PPM1L: variants seen among roughly 807,000 people sequenced by gnomAD.
PPM1L encodes the protein protein phosphatase 1L.
Under a neutral mutation model 31.4 loss-of-function variants are expected in PPM1L, and 13 were observed. That is an observed-to-expected ratio of 0.41 (90% CI 0.27 to 0.66). The LOEUF (loss-of-function observed/expected upper bound fraction) is 0.66, where lower values mean the gene tolerates loss of function less well. Among genes scored for constraint, PPM1L ranks in the 30% least tolerant of loss-of-function variants. The pLI is 0.29. For synonymous variants in PPM1L, 184 were observed against 175.4 expected (o/e 1.05, Z -0.39); for missense variants, 326 against 453.7 (o/e 0.72, Z 2.56).
chr3:161,072,389 T>A lies in PPM1L; in HGVS notation c.*3232T>A, dbSNP rs6441352. On this transcript the variant is annotated 3_prime_UTR_variant, in exon 4 of 4. Transcript: ENST00000498165. Reference sequence around the variant, plus strand: ...GTATTGGCTTCTTGAATCTTGTATATGTCATAAGAATATTATACAGAGAGT... The same window carrying A: ...GTATTGGCTTCTTGAATCTTGTATAAGTCATAAGAATATTATACAGAGAGT... 0.2 allele frequency: 30,982 copies of A among 152,244 alleles called. 3,293 individuals are homozygous for A. The highest frequency in any genetic ancestry group is 0.3 in the East Asian group (1,552 of 5,176). 9.4% of individuals were successfully genotyped at this position (152,244 alleles called of 1,614,324 possible).
At chr3:161,023,036 G>A (rs543932202) in intron 2 of PPM1L, among the ~76,000 whole-genome samples, 2 of 151,950 alleles carry the variant, frequency 1.3e-5, no homozygotes, top group African/African-American at 4.8e-5. Flanking sequence ...TGAGCACTTC[G>A]ATATGTTGTC....
rs185616229 is a variant in PPM1L, at chr3:160,761,172, G to A, written c.399+4465G>A. Among the ~76,000 whole-genome samples, 577 of 152,322 alleles carry A rather than the reference G, an allele frequency of 3.8e-3. 8 individuals are homozygous for A. Among genetic ancestry groups the A allele is most frequent in the African/African-American group, 0.013 (539 of 41,578 alleles). ...ATATCAAATTTTCTTTGTAGTTTCAGAGACAAGTGGATGCATGAAGCCTCT... is the reference window on the plus strand; with the variant it reads ...ATATCAAATTTTCTTTGTAGTTTCAAAGACAAGTGGATGCATGAAGCCTCT... On this transcript the variant is annotated intron_variant, in intron 1 of 3. Transcript: ENST00000498165.
intron 2 of PPM1L, among the ~76,000 whole-genome samples, chr3:161,006,973 C>T (rs1018875691): frequency 1.4e-4 from 21 of 152,200 alleles, no homozygotes; most frequent in African/African-American, 4.6e-4. Flanking sequence ...TGAGCCACCG[C>T]GCCCGGCCCC....
At chr3:160,956,980 A>G (rs1292707171) in intron 1 of PPM1L, among the ~76,000 whole-genome samples, 2 of 152,246 alleles carry the variant, frequency 1.3e-5, no homozygotes, top group Non-Finnish European at 2.9e-5. Flanking sequence ...CCTTATTTCC[A>G]CCAGTTGGAG....
At chr3:161,062,002 A>G (rs1488135860) in intron 2 of PPM1L, among the ~76,000 whole-genome samples, 5 of 152,154 alleles carry the variant, frequency 3.3e-5, no homozygotes, top group African/African-American at 9.7e-5. Flanking sequence ...TCTGTGCTCT[A>G]CCATCCTGCA....
intron 1 of PPM1L, among the ~76,000 whole-genome samples, chr3:160,828,363 A>G (rs1176352964): frequency 6.6e-6 from 1 of 152,130 alleles, no homozygotes; most frequent in African/African-American, 2.4e-5. Context: ...ACAGTGTGAC[A>G]GTGTTTAGAA....
intron 1 of PPM1L, among the ~76,000 whole-genome samples, chr3:160,794,717 T>C (rs1712197856): frequency 6.6e-6 from 1 of 152,206 alleles, no homozygotes; most frequent in Admixed American, 6.5e-5. Context: ...CTGGGCCACA[T>C]TGGATGAAGA....
rs560197850 is a variant in PPM1L, at chr3:161,020,104, G to A, written c.575-45299G>A. Among the ~76,000 whole-genome samples, 6 of 139,620 alleles carry A rather than the reference G, an allele frequency of 4.3e-5. No individual in the cohort carries two copies. In the East Asian group the frequency reaches 8.6e-4, roughly 20 times the overall value. The allele number at this position is 139,620 out of a possible 152,430, so 91.6% of individuals were successfully genotyped here. A position where few individuals can be genotyped will look rare whatever the true frequency, so the allele number is the denominator to read the frequency against. ...TCGTGCCACTGCACTCCAGCCTAGC[G>A]ACAGAGAGAGACTCCACCTCAAAAA... On this transcript the variant is annotated intron_variant, in intron 2 of 3. Transcript: ENST00000498165.
chr3:161,020,059 G>A (rs1343054592), intron 2 of PPM1L, among the ~76,000 whole-genome samples: 4 of 151,174 alleles, frequency 2.6e-5, no homozygotes, highest in African/African-American at 9.8e-5. Context: ...CCAGGAGGTG[G>A]AGGTTGCAGT....
intron 2 of PPM1L, among the ~76,000 whole-genome samples, chr3:161,008,795 G>A (rs959229464): frequency 3.9e-5 from 6 of 152,224 alleles, no homozygotes; most frequent in African/African-American, 1.4e-4. Flanking sequence ...TTGCTGGAAT[G>A]ATATTAGGAG....
intron 2 of PPM1L, among the ~76,000 whole-genome samples, chr3:161,018,953 C>T (rs758607754): frequency 9.9e-5 from 15 of 152,128 alleles, no homozygotes; most frequent in Non-Finnish European, 1.6e-4. Context: ...GTTTAACTGG[C>T]TTTAACTTTG....
chr3:160,817,883 A>T (rs920911065), intron 1 of PPM1L, among the ~76,000 whole-genome samples: 8 of 151,958 alleles, frequency 5.3e-5, no homozygotes, highest in Non-Finnish European at 1.2e-4. Context: ...TCTTTTGATG[A>T]TAGCCTGGAA....
intron 1 of PPM1L, among the ~76,000 whole-genome samples, chr3:160,875,746 A>G (rs1454891327): frequency 6.6e-6 from 1 of 152,072 alleles, no homozygotes; most frequent in East Asian, 1.9e-4. Flanking sequence ...GTTAAGTAAA[A>G]CTTTCCCAGG....
intron 2 of PPM1L, among the ~76,000 whole-genome samples, chr3:160,968,697 A>G (rs975125607): frequency 6.6e-6 from 1 of 152,178 alleles, no homozygotes; most frequent in Non-Finnish European, 1.5e-5. Flanking sequence ...TTTGAGAGTG[A>G]TATTTTCTGT....
At chr3:160,971,298 T>A (rs1716334400) in intron 2 of PPM1L, among the ~76,000 whole-genome samples, 1 of 152,236 alleles carries the variant, frequency 6.6e-6, no homozygotes. Flanking sequence ...TTTGTCTGTT[T>A]ATTTAACAGT....
chr3:160,872,153 T>C lies in PPM1L; in HGVS notation c.400-89583T>C, dbSNP rs540338437. The stretch of plus-strand genomic sequence containing the variant: ...GGCAATCACTCACCGGTTTAAGAAG[T>C]ACATGTTGGCCATTTTCTGTCAGTT... On this transcript the variant is annotated intron_variant, in intron 1 of 3. Coordinates refer to ENST00000498165, the MANE Select transcript of PPM1L (RefSeq NM_139245.4). Among the ~76,000 whole-genome samples the C allele has an allele frequency of 2.0e-5, 3 of 152,314 alleles. No individual in the cohort carries two copies. The East Asian group carries it at 5.8e-4, about 29-fold the overall frequency.
intron 1 of PPM1L, among the ~76,000 whole-genome samples, chr3:160,767,718 A>C (rs1715141650): frequency 6.6e-6 from 1 of 152,172 alleles, no homozygotes; most frequent in Admixed American, 6.5e-5. Context: ...AATATTTCAA[A>C]TTGTATTTTT....
At chr3:160,849,395 CTTTCT>C (rs2108111447) in intron 1 of PPM1L, among the ~76,000 whole-genome samples, 1 of 148,264 alleles carries the variant, frequency 6.7e-6, no homozygotes, top group East Asian at 2.0e-4. Context: ...CCTGCATTCT[CTTTCT>C]TTCTTTCTTT....
chr3:160,847,709 A>G (rs764562459), intron 1 of PPM1L, among the ~76,000 whole-genome samples: 1 of 152,214 alleles, frequency 6.6e-6, no homozygotes, highest in Non-Finnish European at 1.5e-5. Flanking sequence ...CAGAAACAAA[A>G]CAACCCAACA....
Sources: allele counts gnomAD v4.1 joint callset (sites outside exome capture counted in the v4.1 genomes callset), GRCh38; gene constraint gnomAD v4.1.1; transcripts MANE v1.5; gene names NCBI Gene and HGNC (gene_info 2026-07-23, HGNC 2026-07-21).